The following LIMS1 variants were observed in gnomAD, a reference collection of about 807,000 sequenced individuals.
LIMS1 encodes LIM zinc finger domain containing 1.
A neutral mutation model predicts 44.1 loss-of-function variants in LIMS1; 18 were observed. That is an observed-to-expected ratio of 0.41 (90% CI 0.28 to 0.61). The LOEUF (loss-of-function observed/expected upper bound fraction) is 0.61. Ranked by LOEUF, LIMS1 falls within the 20% of genes least tolerant of loss-of-function variation. The pLI, the probability that LIMS1 is intolerant of heterozygous loss-of-function variation, is 0.32. For synonymous variants in LIMS1, 93 were observed against 149.1 expected (o/e 0.62, Z 2.74); for missense variants, 201 against 422.0 (o/e 0.48, Z 4.59).
chr2:108,618,762 T>C (rs1573463905), intron 1 of LIMS1, among the ~76,000 whole-genome samples: 1 of 147,670 alleles, frequency 6.8e-6, no homozygotes. Flanking sequence ...GAGGTGGAGG[T>C]TGCAGTGAGC....
At chr2:108,636,367 A>G (rs1689251929) in intron 1 of LIMS1, among the ~76,000 whole-genome samples, 1 of 152,248 alleles carries the variant, frequency 6.6e-6, no homozygotes. Context: ...ACTCTGCTGT[A>G]AAACTTTTGA....
intron 1 of LIMS1, among the ~76,000 whole-genome samples, chr2:108,594,078 C>T (rs1443924930): frequency 1.3e-5 from 2 of 152,014 alleles, no homozygotes; most frequent in African/African-American, 4.8e-5. Flanking sequence ...GAGCAGCAGC[C>T]AGAATTTTGA....
intron 1 of LIMS1, among the ~76,000 whole-genome samples, chr2:108,635,405 G>A (rs958310900): frequency 6.7e-6 from 1 of 148,222 alleles, no homozygotes; most frequent in Admixed American, 6.7e-5. Context: ...TCCAGCCTGG[G>A]GGGAAAGAGC....
intron 1 of LIMS1, among the ~76,000 whole-genome samples, chr2:108,538,701 A>T (rs1684219233): frequency 6.6e-6 from 1 of 152,248 alleles, no homozygotes; most frequent in African/African-American, 2.4e-5. Flanking sequence ...GTATTAAAAA[A>T]GTTACGGGAA....
chr2:108,645,590 G>A (rs141052753), intron 1 of LIMS1, among the ~76,000 whole-genome samples: 19 of 152,036 alleles, frequency 1.2e-4, no homozygotes, highest in East Asian at 7.7e-4. Flanking sequence ...ATCAACTAAC[G>A]GGCCAAAATA....
chr2:108,663,152 C>T (rs775590148), intron 2 of LIMS1, among the ~76,000 whole-genome samples: 1 of 151,866 alleles, frequency 6.6e-6, no homozygotes, highest in Non-Finnish European at 1.5e-5. Flanking sequence ...AGGGTCTTAC[C>T]GTGTTACCCA....
At chr2:108,567,226 C>T (rs1685322949) in intron 1 of LIMS1, among the ~76,000 whole-genome samples, 1 of 152,138 alleles carries the variant, frequency 6.6e-6, no homozygotes, top group Non-Finnish European at 1.5e-5. Context: ...TCTCCTGGTA[C>T]TACAGTTTCC....
At chr2:108,616,197 C>CT (rs1159229290) in intron 1 of LIMS1, among the ~76,000 whole-genome samples, 25,912 of 72,062 alleles carry the variant, frequency 0.36, 4,760 homozygotes, top group East Asian at 0.8. Context: ...TTTGCATGGG[C>CT]TTTTTTTTTT....
chr2:108,645,038 A>AGTGAT (rs1391519715), intron 1 of LIMS1, among the ~76,000 whole-genome samples: 2 of 152,202 alleles, frequency 1.3e-5, no homozygotes, highest in Non-Finnish European at 2.9e-5. Flanking sequence ...TATACCTGAA[A>AGTGAT]GTGACGGGGA....
chr2:108,602,475 T>A (rs998963759), intron 1 of LIMS1, among the ~76,000 whole-genome samples: 1 of 152,224 alleles, frequency 6.6e-6, no homozygotes, highest in Non-Finnish European at 1.5e-5. Flanking sequence ...TATACCCAGT[T>A]TTTTGAGGGT....
chr2:108,678,916 G>A (rs1337866478), intron 8 of LIMS1, among the ~76,000 whole-genome samples: 2 of 152,160 alleles, frequency 1.3e-5, no homozygotes, highest in Non-Finnish European at 2.9e-5. Flanking sequence ...GTTGCCACAT[G>A]TGCCCAGGCC....
chr2:108,563,427 G>A (rs1378600471), intron 1 of LIMS1, among the ~76,000 whole-genome samples: 1 of 152,188 alleles, frequency 6.6e-6, no homozygotes, highest in Non-Finnish European at 1.5e-5. Flanking sequence ...ACCAACATTA[G>A]TAGGAGTTTG....
chr2:108,612,069 T>TAC (rs1553459874), intron 1 of LIMS1, among the ~76,000 whole-genome samples: 7 of 144,984 alleles, frequency 4.8e-5, no homozygotes, highest in African/African-American at 1.3e-4. Flanking sequence ...TATATATATA[T>TAC]ACATATATAT....
intron 1 of LIMS1, among the ~76,000 whole-genome samples, chr2:108,590,859 T>C (rs558372912): frequency 3.3e-5 from 5 of 152,256 alleles, no homozygotes; most frequent in Non-Finnish European, 7.3e-5. Flanking sequence ...CGCTTTAGCC[T>C]GGAAGATTTG....
At chr2:108,633,798 C>T (rs1689064337) in intron 1 of LIMS1, among the ~76,000 whole-genome samples, 1 of 152,098 alleles carries the variant, frequency 6.6e-6, no homozygotes, top group South Asian at 2.1e-4. Context: ...GCCCTAAAAT[C>T]AGGAAAATTA....
At chr2:108,575,842 A>G (rs1685651658) in intron 1 of LIMS1, among the ~76,000 whole-genome samples, 1 of 152,026 alleles carries the variant, frequency 6.6e-6, no homozygotes, top group South Asian at 2.1e-4. Flanking sequence ...GGCTGTTTGG[A>G]TGGCATGTGA....
At chr2:108,597,546 C>T (rs1324441680) in intron 1 of LIMS1, among the ~76,000 whole-genome samples, 2 of 152,142 alleles carry the variant, frequency 1.3e-5, no homozygotes, top group African/African-American at 2.4e-5. Flanking sequence ...ATTGTAGGTT[C>T]CTGTGTATGT....
chr2:108,581,074 A>G (rs531237654), intron 1 of LIMS1, among the ~76,000 whole-genome samples: 21 of 152,044 alleles, frequency 1.4e-4, no homozygotes, highest in African/African-American at 4.3e-4. Flanking sequence ...CTGCTTCCCT[A>G]CCTTAGGCAG....
chr2:108,595,757 A>G lies in LIMS1; in HGVS notation c.32+61163A>G, dbSNP rs181589940. 5.3e-5 allele frequency among the ~76,000 whole-genome samples: 8 copies of G among 152,310 alleles called. No individual in the cohort carries two copies. In the East Asian group the frequency reaches 1.2e-3, roughly 22 times the overall value. On this transcript the variant is annotated intron_variant, in intron 1 of 9. Transcript: ENST00000544547. ...GAAAAATGAAAAACATTAGAATTAGAGTCCTTTATAATCTTTTAGGGCCCT... is the reference window on the plus strand; with the variant it reads ...GAAAAATGAAAAACATTAGAATTAGGGTCCTTTATAATCTTTTAGGGCCCT...
Sources: gnomAD v4.1 joint callset for allele counts (sites outside exome capture counted in the v4.1 genomes callset) on GRCh38, gnomAD v4.1.1 for gene constraint, MANE v1.5 for transcripts, NCBI Gene and HGNC (gene_info 2026-07-23, HGNC 2026-07-21) for gene names.